Variants in NSD3 observed in about 807,000 individuals in gnomAD.
NSD3 encodes the protein nuclear receptor binding SET domain protein 3.
NSD3 carries 24 observed loss-of-function variants against 160.8 expected under a neutral mutation model. The ratio of observed to expected loss-of-function variants is 0.15; its 90% CI spans 0.11 to 0.21. The LOEUF is 0.21. Ranked by LOEUF, NSD3 falls within the 10% of genes least tolerant of loss-of-function variation. The pLI is 1.00. For missense variants in NSD3, 1,157 were observed against 1,735.9 expected (o/e 0.67, Z 5.93); for synonymous variants, 520 against 600.0 (o/e 0.87, Z 1.95).
intron 4 of NSD3, among the ~76,000 whole-genome samples, chr8:38,332,389 A>G (rs1386750846): frequency 6.6e-6 from 1 of 152,190 alleles, no homozygotes; most frequent in African/African-American, 2.4e-5. Flanking sequence ...CTCTTGCCTC[A>G]GCCTCCCAAA....
chr8:38,335,491 G>GT (rs1810195548), intron 4 of NSD3, among the ~76,000 whole-genome samples: 1 of 94,806 alleles, frequency 1.1e-5, no homozygotes, highest in Non-Finnish European at 2.4e-5. Context: ...CTGACATGAT[G>GT]TAACTTCTTA....
At chr8:38,345,832 C>T (rs1332054283) in intron 2 of NSD3, among the ~76,000 whole-genome samples, 7 of 152,004 alleles carry the variant, frequency 4.6e-5, no homozygotes, top group Non-Finnish European at 1.0e-4. Context: ...TTGCTTGAAC[C>T]CTGGAGGCGG....
intron 21 of NSD3, among the ~76,000 whole-genome samples, 192 bp downstream of exon 21, chr8:38,279,348 T>C (rs1264470507): frequency 2.0e-5 from 3 of 152,252 alleles, no homozygotes; most frequent in Non-Finnish European, 4.4e-5. Flanking sequence ...TTATAGATTT[T>C]TACCTCTCAC....
In NSD3 at chr8:38,321,317, C is replaced by T; in HGVS notation, c.1709-145G>A. ...AAATCATTAAAAAATGCTAAACATT[C>T]AGGAGCATATAAATTATTTAACAGA... is the stretch of plus-strand genomic sequence containing the variant. On this transcript the variant is annotated intron_variant, in intron 7 of 23. Coordinates refer to ENST00000317025, the MANE Select transcript of NSD3 (RefSeq NM_023034.2). The surrounding 1 kb of genome is among the most constrained non-coding windows in gnomAD (Gnocchi z 4.7). 3.2e-6 allele frequency: 2 copies of T among 619,558 alleles called. No individual in the cohort carries two copies. Among genetic ancestry groups the T allele is most frequent in the South Asian group, 4.8e-5 (2 of 41,952 alleles). The allele number at this position is 619,558 out of a possible 1,614,324, so 38.4% of individuals were successfully genotyped here. A position where few individuals can be genotyped will look rare whatever the true frequency, so the allele number is the denominator to read the frequency against.
intron 1 of NSD3, among the ~76,000 whole-genome samples, chr8:38,374,372 C>T (rs1269741982): frequency 6.6e-6 from 1 of 152,082 alleles, no homozygotes; most frequent in African/African-American, 2.4e-5. Context: ...TAGAAAAATA[C>T]TTGTTACTTA....
chr8:38,369,943 C>T (rs1247544220), intron 1 of NSD3, among the ~76,000 whole-genome samples: 1 of 152,040 alleles, frequency 6.6e-6, no homozygotes, highest in Admixed American at 6.6e-5. Context: ...TACACGCGTG[C>T]ACCACAACAC....
intron 1 of NSD3, among the ~76,000 whole-genome samples, chr8:38,377,945 A>C (rs1811434728): frequency 1.3e-5 from 2 of 152,206 alleles, no homozygotes; most frequent in South Asian, 4.1e-4. Context: ...AACAAACAAA[A>C]AAACAAAAAA....
Position 38,303,451 on chromosome 8 carries a change from G to A in NSD3, c.2611+1136C>T, listed in dbSNP as rs1304312415. 6 of 969,244 alleles carry A rather than the reference G, an allele frequency of 6.2e-6. No homozygotes were observed. The African/African-American group carries it at 7.0e-5, about 11-fold the overall frequency. 60.0% of individuals were successfully genotyped at this position (969,244 alleles called of 1,614,324 possible). ...CTGCTCCAAAGGCAGACAGTCACAT[G>A]TGCTTATAAAACAGGCAAACAGAAA... is the stretch of plus-strand genomic sequence containing the variant. On this transcript the variant is annotated intron_variant, in intron 14 of 23. Coordinates refer to ENST00000317025, the MANE Select transcript of NSD3 (RefSeq NM_023034.2).
intron 1 of NSD3, among the ~76,000 whole-genome samples, chr8:38,371,727 C>T (rs921352927): frequency 6.6e-5 from 10 of 152,088 alleles, no homozygotes; most frequent in African/African-American, 2.4e-4. Context: ...AAAAGGAGAC[C>T]ACTTAGAGTG....
At chr8:38,366,744 A>G (rs1213683856) in intron 1 of NSD3, among the ~76,000 whole-genome samples, 1 of 152,172 alleles carries the variant, frequency 6.6e-6, no homozygotes, top group Non-Finnish European at 1.5e-5. Context: ...TTCACTAAGA[A>G]TAGCTAATTC....
At chr8:38,354,625 TA>T (rs1810778159) in intron 1 of NSD3, among the ~76,000 whole-genome samples, 2 of 152,094 alleles carry the variant, frequency 1.3e-5, no homozygotes, top group African/African-American at 4.8e-5. Context: ...ATACCTAGAG[TA>T]AAGCAAATGA....
chr8:38,328,717 A>C (rs560059852), intron 6 of NSD3, among the ~76,000 whole-genome samples: 6 of 152,372 alleles, frequency 3.9e-5, no homozygotes, highest in African/African-American at 1.4e-4. Flanking sequence ...GGTACACGGA[A>C]TAAATACCTA....
At chr8:38,370,006 C>T (rs1811203461) in intron 1 of NSD3, among the ~76,000 whole-genome samples, 1 of 152,120 alleles carries the variant, frequency 6.6e-6, no homozygotes, top group Admixed American at 6.6e-5. Flanking sequence ...GTTGACCAGG[C>T]TGGTCTCAAA....
At chr8:38,314,921 A>C in intron 11 of NSD3, 148 bp from the exon 12 acceptor site, 1 of 738,108 alleles carries the variant, frequency 1.4e-6, no homozygotes, top group Non-Finnish European at 2.2e-6. Flanking sequence ...TGCATTTCTA[A>C]TATGTATCCA....
At chr8:38,280,742 C>A (rs914561293) in intron 20 of NSD3, among the ~76,000 whole-genome samples, 2 of 151,492 alleles carry the variant, frequency 1.3e-5, no homozygotes, top group Non-Finnish European at 2.9e-5. Flanking sequence ...CTTATGACAG[C>A]GCTCATTATT....
chr8:38,362,698 T>C (rs942619820), intron 1 of NSD3, among the ~76,000 whole-genome samples: 1 of 152,176 alleles, frequency 6.6e-6, no homozygotes, highest in Non-Finnish European at 1.5e-5. Flanking sequence ...TCTACAAGCA[T>C]ATATAAACAA....
chr8:38,349,940 G>T (rs1321461232), intron 1 of NSD3, among the ~76,000 whole-genome samples: 1 of 151,650 alleles, frequency 6.6e-6, no homozygotes, highest in African/African-American at 2.4e-5. Context: ...ACAGTGTTTG[G>T]TTTTTTGTCC....
chr8:38,327,583 T>G (rs1025838195), intron 6 of NSD3, among the ~76,000 whole-genome samples: 1 of 152,214 alleles, frequency 6.6e-6, no homozygotes, highest in African/African-American at 2.4e-5. Context: ...TGTCTAAGTC[T>G]AGGTGATAAA....
At chr8:38,296,733 C>CTA (rs1279136677) in intron 15 of NSD3, among the ~76,000 whole-genome samples, 9 of 150,200 alleles carry the variant, frequency 6.0e-5, no homozygotes, top group East Asian at 2.0e-4. Context: ...TGTATTCTCT[C>CTA]TATATATATA....
Sources: gnomAD v4.1 joint callset for allele counts (sites outside exome capture counted in the v4.1 genomes callset) on GRCh38, gnomAD v4.1.1 for gene constraint, Gnocchi (gnomAD v3.1) non-coding constraint, MANE v1.5 for transcripts, NCBI Gene and HGNC (gene_info 2026-07-23, HGNC 2026-07-21) for gene names.